NEB: variants seen among roughly 807,000 people sequenced by gnomAD.
NEB encodes the protein nemaline myopathy type 2.
NEB carries 512 observed loss-of-function variants against 952.2 expected under a neutral mutation model. The ratio of observed to expected loss-of-function variants is 0.54; its 90% CI spans 0.50 to 0.58. The LOEUF (loss-of-function observed/expected upper bound fraction) is 0.58, where lower values mean the gene tolerates loss of function less well. NEB is among the 20% of genes least tolerant of loss of function. The pLI, the probability that NEB is intolerant of heterozygous loss-of-function variation, is 0.00. For synonymous variants in NEB, 2,900 were observed against 3,149.8 expected (o/e 0.92, Z 2.66); for missense variants, 8,428 against 9,231.1 (o/e 0.91, Z 3.56).
In NEB at chr2:151,710,560, T is replaced by C. The variant is rs75514769; in HGVS notation, c.823-22A>G. The C allele has an allele frequency of 1.8e-3, 2,601 of 1,452,178 alleles. 45 individuals carry two copies. The African/African-American group carries it at 0.032, about 18-fold the overall frequency. 90.0% of individuals were successfully genotyped at this position (1,452,178 alleles called of 1,614,324 possible). On this transcript the variant is annotated intron_variant, in intron 10 of 181. Transcript: ENST00000397345. ...TTTGCTAGAAAAAAGAAAAAGAAAA[T>C]AAGACAAGCATAACTCATGAATTGA...
intron 66 of NEB, 35 bp from the exon 67 acceptor site, chr2:151,630,854 T>C (rs2098653543): frequency 6.6e-7 from 1 of 1,505,904 alleles, no homozygotes; most frequent in African/African-American, 1.4e-5. Context: ...TTAAAAATCA[T>C]TTGAAATAGA....
Position 151,648,346 on chromosome 2 carries a change from C to A in NEB, c.7431+1830G>T, listed in dbSNP as rs148869778. ...ATAACCCAGAGAAGCCAATTAAGACCCTCAGCACCCAAACAAAGCAAGGCT... is the reference window on the plus strand; with the variant it reads ...ATAACCCAGAGAAGCCAATTAAGACACTCAGCACCCAAACAAAGCAAGGCT... On this transcript the variant is annotated intron_variant, in intron 54 of 181. Coordinates refer to ENST00000397345, the MANE Select transcript of NEB (RefSeq NM_001164508.2). Among the ~76,000 whole-genome samples, 1,513 of 152,234 alleles carry A rather than the reference C, an allele frequency of 9.9e-3. 10 individuals carry two copies. Among genetic ancestry groups the A allele is most frequent in the South Asian group, 0.023 (111 of 4,818 alleles).
chr2:151,706,976 CAT>C lies in NEB; in HGVS notation c.1055_1056del (p.Tyr352Ter). ...AASKVKYKED[Y>X]EKNKGKADYN... Reference sequence around the variant, plus strand: ...TAATCTGCTTTTCCTTTATTCTTTTCATAGTCTTCTTTGTATTTTACCTGTAG... The same window carrying C: ...TAATCTGCTTTTCCTTTATTCTTTTCAGTCTTCTTTGTATTTTACCTGTAG... On this transcript the variant is annotated frameshift_variant, in exon 13 of 182. Transcript: ENST00000397345. LOFTEE classifies it high-confidence loss of function. 3 of 1,586,872 alleles carry C rather than the reference CAT, an allele frequency of 1.9e-6. No homozygotes were observed. Among genetic ancestry groups the C allele is most frequent in the Non-Finnish European group, 2.6e-6 (3 of 1,164,402 alleles).
intron 63 of NEB, 125 bp downstream of exon 63, chr2:151,639,155 G>A (rs1358563435): frequency 1.5e-6 from 1 of 686,272 alleles, no homozygotes; most frequent in East Asian, 2.9e-5. Context: ...AGAAATGCAA[G>A]AGTTGTTATT....
At position 151,650,607 on chromosome 2, in the gene NEB, C is replaced by G; in HGVS notation, c.7194G>C (p.Val2398=). ...WTCLPDQNDV[V]QAKKVYELQS... is the part of the protein sequence containing the mutation. ...GCAGTTCATAAACTTTCTTAGCTTGCACAACATCGTTCTGATCAGGCAGAC... is the reference window on the plus strand; with the variant it reads ...GCAGTTCATAAACTTTCTTAGCTTGGACAACATCGTTCTGATCAGGCAGAC... Residue 2398 remains valine (V), a synonymous_variant, in exon 53 of 182, where the codon GTG becomes GTC. Coordinates refer to ENST00000397345, the MANE Select transcript of NEB (RefSeq NM_001164508.2). 6.3e-7 allele frequency: 1 copy of G among 1,594,754 alleles called. No individual in the cohort carries two copies. Among genetic ancestry groups the G allele is most frequent in the Non-Finnish European group, 8.5e-7 (1 of 1,170,072 alleles).
At chr2:151,515,616 A>T (rs1265360632) in intron 157 of NEB, among the ~76,000 whole-genome samples, 6 of 152,180 alleles carry the variant, frequency 3.9e-5, no homozygotes, top group Admixed American at 3.3e-4. Flanking sequence ...TCTCCTCTCC[A>T]GTCTCCAGAC....
chr2:151,554,097 C>A, intron 125 of NEB, 72 bp from the exon 126 acceptor site: 2 of 1,430,148 alleles, frequency 1.4e-6, no homozygotes, highest in South Asian at 2.3e-5. Flanking sequence ...CATGAGAAGT[C>A]AGGCTAACCA....
Position 151,692,247 on chromosome 2 carries a change from G to A in NEB, c.1998+14C>T, listed in dbSNP as rs1005114935. On this transcript the variant is annotated intron_variant, in intron 21 of 181. Coordinates refer to ENST00000397345, the MANE Select transcript of NEB (RefSeq NM_001164508.2). ...AAGCCCTCCTACCCGAAAGGTAACC[G>A]TGGCTTTTCGAACCTCACTGAAGTT... 6.2e-7 allele frequency: 1 copy of A among 1,611,144 alleles called. No individual in the cohort carries two copies. The highest frequency in any genetic ancestry group is 2.2e-5 in the East Asian group (1 of 44,854).
rs865900621 is a variant in NEB at position 151,527,425 on chromosome 2, T to A, written c.21840+56A>T. 2.5e-6 allele frequency: 3 copies of A among 1,216,860 alleles called. No individual in the cohort carries two copies. In the Middle Eastern group the frequency reaches 5.7e-4, roughly 231 times the overall value. The allele number at this position is 1,216,860 out of a possible 1,614,324, so 75.4% of individuals were successfully genotyped here. A position where few individuals can be genotyped will look rare whatever the true frequency, so the allele number is the denominator to read the frequency against. ...AGTGGTTATTATAAATAATTATTCA[T>A]TGTATTTCTCAGGTGCAGTATGCAG... is the stretch of plus-strand genomic sequence containing the variant. On this transcript the variant is annotated intron_variant, in intron 147 of 181. Coordinates refer to ENST00000397345, the MANE Select transcript of NEB (RefSeq NM_001164508.2).
chr2:151,557,961 G>A (rs1353352671), intron 124 of NEB, among the ~76,000 whole-genome samples: 1 of 152,142 alleles, frequency 6.6e-6, no homozygotes, highest in Non-Finnish European at 1.5e-5. Context: ...ACTGGCACAA[G>A]ACAGGGATGC....
chr2:151,694,404 T>C lies in NEB; in HGVS notation c.1815A>G (p.Lys605=). ...TGCTGAGGACTCCAATCATTTTCCC[T>C]TTGTTTTTTTCATAGTCTTTCTTGT... ...VMYKKDYEKN[K]GKMIGVLSIN... is the part of the protein sequence containing the mutation. The change falls in exon 20 of 182, where the codon AAA becomes AAG. Residue 605 remains lysine, a synonymous_variant. Transcript: ENST00000397345. 3.7e-6 allele frequency: 6 copies of C among 1,613,940 alleles called. No homozygotes were observed. Among genetic ancestry groups the C allele is most frequent in the Non-Finnish European group, 5.1e-6 (6 of 1,179,864 alleles).
In NEB at chr2:151,674,539, T is replaced by A; in HGVS notation, c.3925A>T (p.Asn1309Tyr). ...DWYDLIAKGN[N>Y]VLGDAIPITA... The stretch of plus-strand genomic sequence containing the variant: ...ATGGGAATAGCATCGCCCAGCACAT[T>A]GTTGCCCTTGGCTATTAAGTCATAC... Residue 1309 changes from asparagine to tyrosine, a missense_variant, in exon 36 of 182, where the codon AAT becomes TAT. This residue lies in a region of NEB where 2,851 missense variants were observed against 2,791.5 expected (regional missense o/e 1.02). Transcript: ENST00000397345. 1.2e-6 allele frequency: 2 copies of A among 1,613,936 alleles called. No homozygotes were observed. Among genetic ancestry groups the A allele is most frequent in the Non-Finnish European group, 1.7e-6 (2 of 1,179,860 alleles).
chr2:151,544,856 A>T (rs2094497676), intron 135 of NEB, among the ~76,000 whole-genome samples: 1 of 152,254 alleles, frequency 6.6e-6, no homozygotes, highest in Non-Finnish European at 1.5e-5. Flanking sequence ...ACAATACAGA[A>T]TGGTGAATGC....
At chr2:151,703,058 G>A (rs946224684) in intron 13 of NEB, among the ~76,000 whole-genome samples, 37 of 151,402 alleles carry the variant, frequency 2.4e-4, no homozygotes, top group African/African-American at 8.2e-4. Context: ...AGGCCTGGTG[G>A]TGACAAAATC....
At chr2:151,522,893 G>C (rs1051091848) in intron 153 of NEB, among the ~76,000 whole-genome samples, 5 of 152,162 alleles carry the variant, frequency 3.3e-5, no homozygotes, top group South Asian at 4.1e-4. Context: ...CACAGCTGAA[G>C]CGCCCTTGGG....
At chr2:151,636,047 A>C (rs1206180765) in intron 64 of NEB, among the ~76,000 whole-genome samples, 180 bp downstream of exon 64, 1 of 152,234 alleles carries the variant, frequency 6.6e-6, no homozygotes, top group East Asian at 1.9e-4. Context: ...TGTAGGTTAC[A>C]GATCCCTCTT....
intron 124 of NEB, among the ~76,000 whole-genome samples, chr2:151,555,871 T>TAAA (rs59427070): frequency 1.7e-4 from 25 of 144,170 alleles, no homozygotes; most frequent in African/African-American, 5.8e-4. Flanking sequence ...AAGGCACCGT[T>TAAA]AAAAAAAAAA....
chr2:151,501,463 C>T lies in NEB; in HGVS notation c.23949G>A (p.Leu7983=). The change falls in exon 168 of 182, where the codon TTG becomes TTA. Residue 7983 remains leucine, a synonymous_variant. Coordinates refer to ENST00000397345, the MANE Select transcript of NEB (RefSeq NM_001164508.2). ...NFSSILYKEN[L]SKGTPLPVTP... ...TGACAGGTAGGGGAGTCCCCTTGCT[C>T]AAGTTCTCTTTGTACAATATCTGTG... 2 of 1,528,656 alleles carry T rather than the reference C, an allele frequency of 1.3e-6. No homozygotes were observed. Among genetic ancestry groups the T allele is most frequent in the Non-Finnish European group, 8.8e-7 (1 of 1,134,952 alleles). 94.7% of individuals were successfully genotyped at this position (1,528,656 alleles called of 1,614,324 possible). A position where few individuals can be genotyped will look rare whatever the true frequency, so the allele number is the denominator to read the frequency against.
At chr2:151,682,552 C>T in intron 29 of NEB, 110 bp downstream of exon 29, 1 of 918,434 alleles carries the variant, frequency 1.1e-6, no homozygotes. Context: ...AGCTCTTTTC[C>T]TCAGCAACAG....
Sources: gnomAD v4.1 joint callset for allele counts (sites outside exome capture counted in the v4.1 genomes callset) on GRCh38, gnomAD v4.1.1 for gene constraint, gnomAD v4.1.1 regional missense constraint, MANE v1.5 for transcripts, NCBI Gene and HGNC (gene_info 2026-07-23, HGNC 2026-07-21) for gene names.